The following WDR1 variants were observed in gnomAD, a reference collection of about 807,000 sequenced individuals.
The protein encoded by WDR1 is WD repeat domain 1, also known as WD repeat-containing protein 1.
A neutral mutation model predicts 71.9 loss-of-function variants in WDR1; 21 were observed. The ratio of observed to expected loss-of-function variants is 0.29; its 90% CI spans 0.21 to 0.42. The LOEUF (loss-of-function observed/expected upper bound fraction) is 0.42, where lower values mean the gene tolerates loss of function less well. Ranked by LOEUF, WDR1 falls within the 10% of genes least tolerant of loss-of-function variation. The pLI, the probability that WDR1 is intolerant of heterozygous loss-of-function variation, is 1.00. For missense variants in WDR1, 696 were observed against 824.5 expected, an observed-to-expected ratio of 0.84 and a Z score of 1.91; for synonymous variants, 424 against 347.4, an observed-to-expected ratio of 1.22 and a Z score of -2.45.
At chr4:10,098,701 T>C (rs1712508343) in intron 4 of WDR1, among the ~76,000 whole-genome samples, 1 of 152,224 alleles carries the variant, frequency 6.6e-6, no homozygotes, top group Non-Finnish European at 1.5e-5. Flanking sequence ...CTCTGTCCCC[T>C]TCTTGCTGCC....
chr4:10,101,489 G>C (rs959924040), intron 3 of WDR1, among the ~76,000 whole-genome samples: 1 of 152,158 alleles, frequency 6.6e-6, no homozygotes, highest in Non-Finnish European at 1.5e-5. Context: ...TCTATTCAAA[G>C]AAATGTATTA....
chr4:10,103,362 C>G (rs534718402), intron 3 of WDR1, among the ~76,000 whole-genome samples: 1 of 151,898 alleles, frequency 6.6e-6, no homozygotes, highest in Non-Finnish European at 1.5e-5. Flanking sequence ...CATGGCTTCC[C>G]GCAAAAGGTC....
At chr4:10,083,296 T>C in intron 9 of WDR1, 118 bp from the exon 10 acceptor site, 1 of 1,308,846 alleles carries the variant, frequency 7.6e-7, no homozygotes, top group African/African-American at 1.5e-5. Context: ...CAAACGGACA[T>C]AACCATTCCC....
At chr4:10,089,759 GC>G (rs1015801996) in intron 5 of WDR1, among the ~76,000 whole-genome samples, 2 of 152,238 alleles carry the variant, frequency 1.3e-5, no homozygotes, top group African/African-American at 4.8e-5. Flanking sequence ...CGGATAAGCT[GC>G]CCCGCGCTCT....
chr4:10,082,779 G>T (rs968583253), intron 10 of WDR1, among the ~76,000 whole-genome samples: 2 of 152,244 alleles, frequency 1.3e-5, no homozygotes, highest in Non-Finnish European at 2.9e-5. Context: ...TGCTGCCCCT[G>T]CTTCCAGGGC....
intron 2 of WDR1, among the ~76,000 whole-genome samples, chr4:10,107,665 G>C (rs1400139326): frequency 6.6e-6 from 1 of 152,228 alleles, no homozygotes; most frequent in Non-Finnish European, 1.5e-5. Context: ...GCTAGGGCCT[G>C]TGAGGGCCAG....
rs767210816 is a variant in WDR1 at position 10,099,065 on chromosome 4, C to T, written c.304G>A (p.Ala102Thr). 4.3e-6 allele frequency: 7 copies of T among 1,613,786 alleles called. No homozygotes were observed. The East Asian group carries it at 6.7e-5, about 15-fold the overall frequency. Residue 102 changes from alanine to threonine, a missense_variant, in exon 4 of 15, where the codon GCT (alanine) becomes ACT (threonine). By Grantham distance (58) the Ala-to-Thr change is moderately conservative (BLOSUM62 0). Coordinates refer to ENST00000499869, the MANE Select transcript of WDR1 (RefSeq NM_017491.5). Reference sequence around the variant, plus strand: ...CAAGCAATGTCTTTGATCTTCCCAGCGAAAGGCTGGTACTCATACTTCAAC... The same window carrying T: ...CAAGCAATGTCTTTGATCTTCCCAGTGAAAGGCTGGTACTCATACTTCAAC... The part of the protein sequence containing the change: ...HLLKYEYQPF[A>T]GKIKDIAWTE...
At chr4:10,078,595 C>T in intron 12 of WDR1, 1 of 278,174 alleles carries the variant, frequency 3.6e-6, no homozygotes, top group South Asian at 9.9e-5. Context: ...GGGGCTGGCT[C>T]TGAGGCACAG....
In WDR1 at chr4:10,079,017, G is replaced by A. The variant is rs1471003946; in HGVS notation, c.1285-16C>T. The A allele has an allele frequency of 4.4e-6, 7 of 1,583,912 alleles. No homozygotes were observed. The highest frequency in any genetic ancestry group is 6.0e-6 in the Non-Finnish European group (7 of 1,161,548). ...GCAGGACAATCTGTGGCACACACAG[G>A]CAGCTGGTCAGGCGGTCCAGCCCTT... On this transcript the variant is annotated splice_polypyrimidine_tract_variant and intron_variant, in intron 11 of 14. Transcript: ENST00000499869.
At chr4:10,112,690 C>T (rs1713458944) in intron 2 of WDR1, among the ~76,000 whole-genome samples, 1 of 152,244 alleles carries the variant, frequency 6.6e-6, no homozygotes, top group South Asian at 2.1e-4. Context: ...GTCCGGCAAT[C>T]TACACTGAGC....
chr4:10,099,154 G>T lies in WDR1; in HGVS notation c.230-15C>A. 2 of 1,573,736 alleles carry T rather than the reference G, an allele frequency of 1.3e-6. No individual in the cohort carries two copies. Among genetic ancestry groups the T allele is most frequent in the South Asian group, 2.2e-5 (2 of 89,596 alleles). ...CCCAGACACATCTGTGGGGCACAGC[G>T]GGCGGGGGAGGGGGGGAGGCGGTGG... On this transcript the variant is annotated splice_polypyrimidine_tract_variant and intron_variant, in intron 3 of 14. Coordinates refer to ENST00000499869, the MANE Select transcript of WDR1 (RefSeq NM_017491.5).
At chr4:10,092,481 G>A (rs3756226) in intron 5 of WDR1, 35,311 of 153,708 alleles carry the variant, frequency 0.23, 4,744 homozygotes, top group South Asian at 0.44. Context: ...CACCTCTGCC[G>A]ACGCCTCCCA....
chr4:10,080,161 C>G (rs1764957140), intron 11 of WDR1, among the ~76,000 whole-genome samples: 1 of 152,226 alleles, frequency 6.6e-6, no homozygotes, highest in Non-Finnish European at 1.5e-5. Flanking sequence ...TCCTGGGCAG[C>G]AGGCGCCAGC....
At chr4:10,083,483 G>A (rs929122976) in intron 9 of WDR1, 12 of 529,556 alleles carry the variant, frequency 2.3e-5, no homozygotes, top group African/African-American at 3.8e-5. Flanking sequence ...TCGGGTAGGC[G>A]CAACCCTCTA....
chr4:10,076,656 G>A (rs1316600917), intron 14 of WDR1: 3 of 152,290 alleles, frequency 2.0e-5, no homozygotes, highest in African/African-American at 4.8e-5. Flanking sequence ...GGCTCTGGGG[G>A]TGGGCTCAGA....
chr4:10,098,734 G>A (rs1712510112), intron 4 of WDR1, among the ~76,000 whole-genome samples: 1 of 152,226 alleles, frequency 6.6e-6, no homozygotes, highest in African/African-American at 2.4e-5. Flanking sequence ...TGAGAGCTGG[G>A]GTTCTAGCAG....
intron 2 of WDR1, among the ~76,000 whole-genome samples, chr4:10,111,475 C>T (rs547171360): frequency 4.6e-5 from 7 of 152,284 alleles, no homozygotes; most frequent in African/African-American, 1.4e-4. Flanking sequence ...ACCTGGCAGG[C>T]GCTGCTGCCA....
rs114196930 is a variant in WDR1, at chr4:10,078,022, C to T, written c.1396-96G>A. 3,048 of 1,389,266 alleles carry T rather than the reference C, an allele frequency of 2.2e-3. 39 individuals are homozygous for T. The African/African-American group carries it at 0.032, about 15-fold the overall frequency. The allele number at this position is 1,389,266 out of a possible 1,614,324, so 86.1% of individuals were successfully genotyped here. On this transcript the variant is annotated intron_variant, in intron 12 of 14. Coordinates refer to ENST00000499869, the MANE Select transcript of WDR1 (RefSeq NM_017491.5). The stretch of plus-strand genomic sequence containing the variant: ...GGGTCGAGGGCTTAAGAAACTGTGC[C>T]GTTCCCACTGACTGCTGCTCTGCTG...
At chr4:10,075,768 C>G in intron 14 of WDR1, 1 of 528,134 alleles carries the variant, frequency 1.9e-6, no homozygotes, top group Non-Finnish European at 3.4e-6. Context: ...CTCTCCAAGT[C>G]TTGACAACCA....
Sources: allele counts gnomAD v4.1 joint callset (sites outside exome capture counted in the v4.1 genomes callset), GRCh38; gene constraint gnomAD v4.1.1; transcripts MANE v1.5; gene names NCBI Gene and HGNC (gene_info 2026-07-23, HGNC 2026-07-21).